PLPP3: variants seen among roughly 807,000 people sequenced by gnomAD.
PLPP3 encodes the protein PAP2 beta.
In PLPP3, 6 loss-of-function variants were observed where a neutral mutation model predicts 29.6. The observed-to-expected ratio is 0.20, with a 90% CI of 0.11 to 0.40. PLPP3 has a LOEUF of 0.40. Ranked by LOEUF, PLPP3 falls within the 10% of genes least tolerant of loss-of-function variation. The pLI is 1.00. For synonymous variants in PLPP3, 152 were observed against 159.7 expected (o/e 0.95, Z 0.36); for missense variants, 308 against 407.7 (o/e 0.76, Z 2.11).
intron 1 of PLPP3, among the ~76,000 whole-genome samples, chr1:56,549,517 T>C (rs890776403): frequency 3.9e-5 from 6 of 152,226 alleles, no homozygotes; most frequent in African/African-American, 1.4e-4. Context: ...GGGCTGGTTT[T>C]CCCAGGTGTC....
chr1:56,498,454 C>CCCAGCT (rs1216729376), intron 5 of PLPP3, among the ~76,000 whole-genome samples: 2 of 152,070 alleles, frequency 1.3e-5, no homozygotes, highest in African/African-American at 2.4e-5. Flanking sequence ...CAGCCCCAGC[C>CCCAGCT]CCAGCTCCAC....
chr1:56,559,899 A>C (rs913835550), intron 1 of PLPP3, among the ~76,000 whole-genome samples: 1 of 152,198 alleles, frequency 6.6e-6, no homozygotes, highest in Non-Finnish European at 1.5e-5. Context: ...AAGGATGGTC[A>C]CTGGTACTGG....
At chr1:56,538,309 A>G (rs967902305) in intron 1 of PLPP3, 8 of 222,346 alleles carry the variant, frequency 3.6e-5, no homozygotes, top group African/African-American at 1.6e-4. Flanking sequence ...TTCCTCCCCA[A>G]CTACCCAACT....
Position 56,516,831 on chromosome 1 carries a change from A to C in PLPP3, c.634-4679T>G, listed in dbSNP as rs1476564886. The C allele has an allele frequency of 2.0e-5, 3 of 151,814 alleles. No individual in the cohort carries two copies. In the South Asian group the frequency reaches 6.2e-4, roughly 32 times the overall value. The allele number at this position is 151,814 out of a possible 1,614,324, so 9.4% of individuals were successfully genotyped here. ...GTGGATATGAGAAAAAGAAAGATGT[A>C]TGTCTGTTTCCCATACCCCAAAATG... On this transcript the variant is annotated intron_variant, in intron 4 of 5. Coordinates refer to ENST00000371250, the MANE Select transcript of PLPP3 (RefSeq NM_003713.5).
At chr1:56,532,960 G>A (rs1645899935) in intron 2 of PLPP3, among the ~76,000 whole-genome samples, 1 of 152,148 alleles carries the variant, frequency 6.6e-6, no homozygotes, top group African/African-American at 2.4e-5. Context: ...GCTACGGAAT[G>A]CTTCCTGGAG....
At chr1:56,560,901 G>A (rs1214843597) in intron 1 of PLPP3, among the ~76,000 whole-genome samples, 1 of 134,004 alleles carries the variant, frequency 7.5e-6, no homozygotes, top group African/African-American at 2.8e-5. Flanking sequence ...GCAGTGGCCT[G>A]ATCTCGGCCC....
intron 5 of PLPP3, among the ~76,000 whole-genome samples, chr1:56,503,039 A>T (rs2100222272): frequency 6.6e-6 from 1 of 152,310 alleles, no homozygotes; most frequent in East Asian, 1.9e-4. Flanking sequence ...CTCATGCCCT[A>T]AGTACAGTAA....
intron 1 of PLPP3, among the ~76,000 whole-genome samples, chr1:56,559,499 A>G (rs1228057268): frequency 6.7e-6 from 1 of 150,346 alleles, no homozygotes. Context: ...TGATCCTCCC[A>G]CCTCGGCCTC....
intron 1 of PLPP3, among the ~76,000 whole-genome samples, chr1:56,555,433 TAAAAAAAAAAAAAAA>T (rs66593221): frequency 6.0e-5 from 2 of 33,216 alleles, no homozygotes; most frequent in East Asian, 5.2e-4. Context: ...GGCCAAACAC[TAAAAAAAAAAAAAAA>T]AAAAAAAAAA....
chr1:56,524,619 C>G lies in PLPP3; in HGVS notation c.298-65G>C. The G allele has an allele frequency of 1.3e-6, 2 of 1,525,904 alleles. No homozygotes were observed. Among genetic ancestry groups the G allele is most frequent in the Non-Finnish European group, 1.8e-6 (2 of 1,113,430 alleles). The allele number at this position is 1,525,904 out of a possible 1,614,324, so 94.5% of individuals were successfully genotyped here. ...TTCATCATCAACACTGATGCCGTAA[C>G]GGATATTCAACAACACAGGAGAATA... On this transcript the variant is annotated intron_variant, in intron 2 of 5. Transcript: ENST00000371250. The surrounding 1 kb of genome is among the most constrained non-coding windows in gnomAD (Gnocchi z 4.3).
intron 1 of PLPP3, among the ~76,000 whole-genome samples, chr1:56,554,078 T>TA (rs559561087): frequency 2.6e-5 from 4 of 152,020 alleles, no homozygotes; most frequent in East Asian, 1.9e-4. Flanking sequence ...GCTTTTTTTT[T>TA]AATGAGACTC....
At chr1:56,551,324 T>C (rs922450314) in intron 1 of PLPP3, among the ~76,000 whole-genome samples, 2 of 151,204 alleles carry the variant, frequency 1.3e-5, no homozygotes, top group Non-Finnish European at 3.0e-5. Context: ...CGGTTCGGTT[T>C]GGTGGTGTGC....
At position 56,523,809 on chromosome 1, in the gene PLPP3, G is replaced by T; in HGVS notation, c.633+14C>A. 6.2e-7 allele frequency: 1 copy of T among 1,610,790 alleles called. No individual in the cohort carries two copies. Among genetic ancestry groups the T allele is most frequent in the Non-Finnish European group, 8.5e-7 (1 of 1,177,130 alleles). On this transcript the variant is annotated intron_variant, in intron 4 of 5. Transcript: ENST00000371250. ...GGAACTGAGCACTGCTCAAATCAAA[G>T]GGTGGGTACTTACCACCAAATACAG... is the stretch of plus-strand genomic sequence containing the variant.
chr1:56,563,235 T>C (rs1197501292), intron 1 of PLPP3, among the ~76,000 whole-genome samples: 5 of 152,176 alleles, frequency 3.3e-5, no homozygotes, highest in Admixed American at 1.3e-4. Context: ...AAAACTTCTT[T>C]TAGGAAAGGG....
intron 1 of PLPP3, chr1:56,538,970 A>AAAAAAAAAAAAAAAAAC (rs1005848195): frequency 3.3e-5 from 5 of 150,882 alleles, no homozygotes; most frequent in Non-Finnish European, 3.0e-5. Flanking sequence ...AAAAAAAAAA[A>AAAAAAAAAAAAAAAAAC]ACACAGTGGA....
rs1645714007 is a variant in PLPP3 at position 56,507,856 on chromosome 1, G to A, written c.810+4120C>T. Among the ~76,000 whole-genome samples, 3 of 152,210 alleles carry A rather than the reference G, an allele frequency of 2.0e-5. No individual in the cohort carries two copies. The South Asian group carries it at 6.2e-4, about 32-fold the overall frequency. On this transcript the variant is annotated intron_variant, in intron 5 of 5. Coordinates refer to ENST00000371250, the MANE Select transcript of PLPP3 (RefSeq NM_003713.5). ...CAAAGGCCAGAGAAAGTATATGTGT[G>A]TGTGAGAGAGAGAGGGAGAAGTGAA...
intron 5 of PLPP3, among the ~76,000 whole-genome samples, chr1:56,505,174 A>G (rs1645694040): frequency 2.0e-5 from 3 of 152,252 alleles, no homozygotes; most frequent in Admixed American, 2.0e-4. Flanking sequence ...TAAACAAAGC[A>G]TAGTACTTAA....
chr1:56,515,771 T>C (rs796895809), intron 4 of PLPP3, among the ~76,000 whole-genome samples: 7 of 152,302 alleles, frequency 4.6e-5, no homozygotes, highest in African/African-American at 1.7e-4. Flanking sequence ...AGCAGTGCAA[T>C]AGTAAAGTGC....
chr1:56,575,097 T>A (rs1310307250), intron 1 of PLPP3, among the ~76,000 whole-genome samples: 2 of 151,894 alleles, frequency 1.3e-5, no homozygotes, highest in African/African-American at 4.8e-5. Flanking sequence ...ACATTCAGCA[T>A]ATGTCAAGTC....
Sources: gnomAD v4.1 joint callset for allele counts (sites outside exome capture counted in the v4.1 genomes callset) on GRCh38, gnomAD v4.1.1 for gene constraint, Gnocchi (gnomAD v3.1) non-coding constraint, MANE v1.5 for transcripts, NCBI Gene and HGNC (gene_info 2026-07-23, HGNC 2026-07-21) for gene names.